Variants in RBFOX1 observed in about 807,000 individuals in gnomAD.
RBFOX1 encodes the protein RNA binding protein fox-1 homolog 1.
A neutral mutation model predicts 57.7 loss-of-function variants in RBFOX1; 8 were observed. The ratio of observed to expected loss-of-function variants is 0.14; its 90% confidence interval spans 0.08 to 0.25. The LOEUF is 0.25. RBFOX1 is among the 10% of genes least tolerant of loss of function. RBFOX1 has a pLI of 1.00. For missense variants in RBFOX1, 611 were observed against 548.5 expected (o/e 1.11, Z -1.14); for synonymous variants, 326 against 222.4 (o/e 1.47, Z -4.15).
At chr16:6,606,540 C>T (rs1228269847) in intron 2 of RBFOX1, among the ~76,000 whole-genome samples, 1 of 152,096 alleles carries the variant, frequency 6.6e-6, no homozygotes, top group Non-Finnish European at 1.5e-5. Context: ...TACGAGGCCC[C>T]ATTGTGTGTA....
chr16:5,662,386 C>CACAT (rs2049683919), intron 3 of RBFOX1, among the ~76,000 whole-genome samples: 2 of 152,058 alleles, frequency 1.3e-5, no homozygotes, highest in African/African-American at 4.8e-5. Context: ...GTTACCTGAC[C>CACAT]ACATAATCTA....
chr16:5,689,286 A>G (rs566781510), intron 3 of RBFOX1, among the ~76,000 whole-genome samples: 1 of 152,322 alleles, frequency 6.6e-6, no homozygotes, highest in Non-Finnish European at 1.5e-5. Context: ...ACCTGCTGGT[A>G]ATGTGGGTAT....
At chr16:6,496,438 G>C (rs779221981) in intron 2 of RBFOX1, among the ~76,000 whole-genome samples, 2 of 152,172 alleles carry the variant, frequency 1.3e-5, no homozygotes, top group South Asian at 2.1e-4. Flanking sequence ...AGCTAGAACT[G>C]TTTCTCAGTG....
chr16:7,590,310 A>T (rs898146193), intron 7 of RBFOX1, among the ~76,000 whole-genome samples: 1 of 152,052 alleles, frequency 6.6e-6, no homozygotes, highest in African/African-American at 2.4e-5. Context: ...TCCAGTATCT[A>T]TATTCCAGGT....
chr16:7,601,679 C>G (rs2095033227), intron 9 of RBFOX1, among the ~76,000 whole-genome samples: 2 of 152,170 alleles, frequency 1.3e-5, no homozygotes, highest in African/African-American at 4.8e-5. Context: ...AACATTTAAT[C>G]TCCCTATCAG....
At chr16:6,898,455 T>A (rs1383053336) in intron 3 of RBFOX1, among the ~76,000 whole-genome samples, 1 of 152,178 alleles carries the variant, frequency 6.6e-6, no homozygotes, top group Non-Finnish European at 1.5e-5. Flanking sequence ...GAATCAGCTC[T>A]ATCAATTATT....
At chr16:7,593,218 A>G (rs956566618) in intron 7 of RBFOX1, among the ~76,000 whole-genome samples, 1 of 152,188 alleles carries the variant, frequency 6.6e-6, no homozygotes, top group African/African-American at 2.4e-5. Flanking sequence ...TCTGGACTCC[A>G]GTCTGGGATT....
intron 14 of RBFOX1, among the ~76,000 whole-genome samples, chr16:7,679,792 A>T (rs2074278148): frequency 1.3e-5 from 2 of 152,020 alleles, no homozygotes; most frequent in African/African-American, 4.8e-5. Context: ...AGAGTCTCTG[A>T]ATGTTGACCT....
intron 1 of RBFOX1, among the ~76,000 whole-genome samples, chr16:5,325,600 C>G (rs1415539031): frequency 6.6e-6 from 1 of 152,190 alleles, no homozygotes; most frequent in African/African-American, 2.4e-5. Context: ...AAGTCATATC[C>G]TGCCCCACTG....
chr16:6,159,951 A>G (rs1185607056), intron 1 of RBFOX1, among the ~76,000 whole-genome samples: 1 of 152,198 alleles, frequency 6.6e-6, no homozygotes, highest in Non-Finnish European at 1.5e-5. Flanking sequence ...GAGACATAGT[A>G]GCCAGGTGCT....
chr16:6,244,799 C>T (rs1022891086), intron 1 of RBFOX1, among the ~76,000 whole-genome samples: 1 of 152,146 alleles, frequency 6.6e-6, no homozygotes, highest in African/African-American at 2.4e-5. Flanking sequence ...TGAGCCAACA[C>T]ACCCGGCAAA....
At chr16:5,758,258 G>C (rs1303941498) in intron 3 of RBFOX1, among the ~76,000 whole-genome samples, 2 of 152,136 alleles carry the variant, frequency 1.3e-5, no homozygotes, top group African/African-American at 2.4e-5. Context: ...GGGGGAAAAA[G>C]TTGAAGGCGG....
At chr16:7,685,673 A>G (rs1193474879) in intron 14 of RBFOX1, among the ~76,000 whole-genome samples, 1 of 152,138 alleles carries the variant, frequency 6.6e-6, no homozygotes, top group Non-Finnish European at 1.5e-5. Flanking sequence ...CAGTGAATAT[A>G]TAGAGGCAGT....
intron 1 of RBFOX1, among the ~76,000 whole-genome samples, chr16:5,425,131 A>G (rs2067517431): frequency 6.9e-6 from 1 of 145,142 alleles, no homozygotes; most frequent in Non-Finnish European, 1.5e-5. Context: ...CTTGAGACAG[A>G]GTCTCACTGT....
intron 3 of RBFOX1, among the ~76,000 whole-genome samples, chr16:5,665,878 C>T (rs924633358): frequency 2.0e-5 from 3 of 152,244 alleles, no homozygotes; most frequent in African/African-American, 4.8e-5. Context: ...GTGCTGTTTT[C>T]AGCAGGCCTC....
In RBFOX1 at chr16:6,854,507, C is replaced by G. The variant is rs1294919862; in HGVS notation, c.-15-197550C>G. Among the ~76,000 whole-genome samples the G allele has an allele frequency of 4.6e-5, 7 of 151,494 alleles. No homozygotes were observed. The South Asian group carries it at 1.0e-3, about 23-fold the overall frequency. The stretch of plus-strand genomic sequence containing the variant: ...GGAAGTTTAGCGAAGTTGGGACTTT[C>G]TCTCAGGTTACCTGTTTTGCCTGGC... On this transcript the variant is annotated intron_variant, in intron 3 of 15. Coordinates refer to ENST00000550418, the MANE Select transcript of RBFOX1 (RefSeq NM_018723.4).
intron 3 of RBFOX1, among the ~76,000 whole-genome samples, chr16:6,953,266 A>G (rs970059441): frequency 4.6e-5 from 7 of 152,192 alleles, no homozygotes; most frequent in African/African-American, 1.7e-4. Context: ...CTTAAGTTCA[A>G]ACATATACAC....
intron 1 of RBFOX1, among the ~76,000 whole-genome samples, chr16:6,089,395 C>G (rs973059243): frequency 6.6e-6 from 1 of 152,064 alleles, no homozygotes; most frequent in Non-Finnish European, 1.5e-5. Flanking sequence ...GATTCAGATG[C>G]ACTAAAGAAA....
intron 2 of RBFOX1, among the ~76,000 whole-genome samples, chr16:5,595,000 G>C (rs1424359738): frequency 7.2e-6 from 1 of 137,982 alleles, no homozygotes; most frequent in Non-Finnish European, 1.5e-5. Flanking sequence ...AAAAAAATTA[G>C]CCAGGTATGG....
Sources: gnomAD v4.1 joint callset for allele counts (sites outside exome capture counted in the v4.1 genomes callset) on GRCh38, gnomAD v4.1.1 for gene constraint, MANE v1.5 for transcripts, NCBI Gene and HGNC (gene_info 2026-07-23, HGNC 2026-07-21) for gene names.